The following DACH2 variants were observed in gnomAD, a reference collection of about 807,000 sequenced individuals.
The protein encoded by DACH2 is dachshund family transcription factor 2, also known as dachshund homolog 2.
Under a neutral mutation model 35.8 loss-of-function variants are expected in DACH2, and 17 were observed. The ratio of observed to expected loss-of-function variants is 0.48; its 90% confidence interval spans 0.33 to 0.71. The LOEUF is 0.71. Ranked by LOEUF, DACH2 falls within the 30% of genes least tolerant of loss-of-function variation. The pLI is 0.02. For missense variants in DACH2, 469 were observed against 472.7 expected (o/e 0.99, Z 0.07); for synonymous variants, 195 against 177.3 (o/e 1.10, Z -0.79).
chrX:86,461,391 G>C (rs751265314), intron 2 of DACH2, among the ~76,000 whole-genome samples: 128 of 111,413 alleles, frequency 1.1e-3, no homozygotes, highest in South Asian at 3.3e-3. Flanking sequence ...TCCACAGACT[G>C]TTGTATTGGG....
intron 2 of DACH2, among the ~76,000 whole-genome samples, chrX:86,431,132 G>A (rs1271543345): frequency 9.0e-6 from 1 of 111,255 alleles, no homozygotes; most frequent in Admixed American, 9.6e-5. Flanking sequence ...ATTTTTTTAT[G>A]GGTTTATAGT....
Position 86,789,354 on chromosome X carries a change from A to C in DACH2, c.1241-23502A>C, listed in dbSNP as rs992959969. 2.7e-5 allele frequency among the ~76,000 whole-genome samples: 3 copies of C among 111,969 alleles called. No homozygotes were observed. In the South Asian group the frequency reaches 1.1e-3, roughly 41 times the overall value. ...GGTTAGATCTTTAAAGGATGATTGA[A>C]TATTTGGATAGTGTTTAGTTTGCAT... On this transcript the variant is annotated intron_variant, in intron 7 of 11. Coordinates refer to ENST00000373125, the MANE Select transcript of DACH2 (RefSeq NM_053281.3).
intron 7 of DACH2, among the ~76,000 whole-genome samples, chrX:86,795,131 G>C (rs2042222013): frequency 9.0e-6 from 1 of 111,301 alleles, no homozygotes; most frequent in African/African-American, 3.3e-5. Flanking sequence ...CAGAAAGGCA[G>C]TGAGCAAAGT....
intron 1 of DACH2, among the ~76,000 whole-genome samples, chrX:86,339,085 AC>A (rs763387169): frequency 6.6e-4 from 74 of 111,977 alleles, no homozygotes; most frequent in African/African-American, 2.3e-3. Context: ...TAGCCTACCA[AC>A]CAAAAACAGT....
chrX:86,522,158 A>C (rs1246826103), intron 3 of DACH2, among the ~76,000 whole-genome samples: 2 of 111,787 alleles, frequency 1.8e-5, no homozygotes, highest in Non-Finnish European at 3.8e-5. Context: ...CTAGTTCAGA[A>C]TTTGTGAGAG....
At chrX:86,149,898 A>T (rs1020393414) in intron 1 of DACH2, among the ~76,000 whole-genome samples, 124 of 111,778 alleles carry the variant, frequency 1.1e-3, no homozygotes, top group African/African-American at 3.9e-3. Flanking sequence ...GTTGGTGTAC[A>T]AGTTGGCAGA....
intron 2 of DACH2, among the ~76,000 whole-genome samples, chrX:86,401,197 C>T (rs925621724): frequency 7.6e-4 from 85 of 112,468 alleles, no homozygotes; most frequent in African/African-American, 2.7e-3. Context: ...GATATAATCT[C>T]CTGGTGTGCC....
At chrX:86,526,741 C>A (rs1319173831) in intron 3 of DACH2, among the ~76,000 whole-genome samples, 1 of 107,561 alleles carries the variant, frequency 9.3e-6, no homozygotes, top group Non-Finnish European at 1.9e-5. Flanking sequence ...TGTGTTAGAT[C>A]AAACTGGGTT....
intron 3 of DACH2, among the ~76,000 whole-genome samples, chrX:86,522,050 C>T (rs183964600): frequency 5.4e-5 from 6 of 110,738 alleles, no homozygotes; most frequent in African/African-American, 9.8e-5. Flanking sequence ...ATTTTATTTT[C>T]TTCTGTAATT....
intron 1 of DACH2, among the ~76,000 whole-genome samples, chrX:86,211,388 C>T (rs994450564): frequency 3.6e-5 from 4 of 111,081 alleles, no homozygotes; most frequent in African/African-American, 1.3e-4. Flanking sequence ...TTGTTTGCTT[C>T]TGTCATTAAT....
chrX:86,485,370 G>A (rs943176456), intron 2 of DACH2, among the ~76,000 whole-genome samples: 3 of 111,312 alleles, frequency 2.7e-5, no homozygotes, highest in African/African-American at 9.8e-5. Flanking sequence ...CAGAGAATGG[G>A]GAGGGCAGGC....
intron 4 of DACH2, among the ~76,000 whole-genome samples, chrX:86,664,950 TTAGAG>T (rs2040649441): frequency 8.9e-6 from 1 of 111,939 alleles, no homozygotes; most frequent in South Asian, 3.7e-4. Flanking sequence ...TATTTTAGTG[TTAGAG>T]TAAAGATGAC....
intron 1 of DACH2, among the ~76,000 whole-genome samples, chrX:86,362,826 C>T (rs2148083892): frequency 9.0e-6 from 1 of 110,796 alleles, no homozygotes; most frequent in South Asian, 3.8e-4. Context: ...TTTTTCGGTA[C>T]CGGTACCATA....
chrX:86,488,482 C>G (rs1260008744), intron 2 of DACH2, among the ~76,000 whole-genome samples: 1 of 111,272 alleles, frequency 9.0e-6, no homozygotes, highest in Non-Finnish European at 1.9e-5. Context: ...TTCAGATTTA[C>G]TGGGCTCTAA....
intron 11 of DACH2, among the ~76,000 whole-genome samples, chrX:86,826,858 C>G (rs1847897668): frequency 8.9e-6 from 1 of 112,425 alleles, no homozygotes; most frequent in African/African-American, 3.2e-5. Flanking sequence ...GATTATCTTA[C>G]TTGCTGCTAA....
intron 2 of DACH2, among the ~76,000 whole-genome samples, chrX:86,411,561 G>A (rs1034707132): frequency 9.0e-6 from 1 of 110,852 alleles, no homozygotes; most frequent in Non-Finnish European, 1.9e-5. Flanking sequence ...AACTGAAAAC[G>A]CACTGGTCCC....
chrX:86,714,304 A>G (rs191914051), intron 5 of DACH2, among the ~76,000 whole-genome samples: 2 of 112,179 alleles, frequency 1.8e-5, no homozygotes, highest in African/African-American at 6.5e-5. Context: ...TTTGCATCTT[A>G]TAAATATTTG....
intron 3 of DACH2, among the ~76,000 whole-genome samples, chrX:86,619,095 A>ATGT (rs2040041171): frequency 8.9e-6 from 1 of 112,179 alleles, no homozygotes; most frequent in Non-Finnish European, 1.9e-5. Context: ...TTTTTTAACA[A>ATGT]TGTTTGCACA....
At chrX:86,581,428 CA>C (rs79137967) in intron 3 of DACH2, among the ~76,000 whole-genome samples, 45,966 of 109,921 alleles carry the variant, frequency 0.42, 9,080 homozygotes, top group African/African-American at 0.77. Context: ...CACAGAGTGG[CA>C]AAGTGGGAGA....
Sources: gnomAD v4.1 joint callset for allele counts (sites outside exome capture counted in the v4.1 genomes callset) on GRCh38, gnomAD v4.1.1 for gene constraint, MANE v1.5 for transcripts, NCBI Gene and HGNC (gene_info 2026-07-23, HGNC 2026-07-21) for gene names.